Variants in SLC11A2 observed in about 807,000 individuals in gnomAD.
SLC11A2 encodes the protein natural resistance-associated macrophage protein 2.
SLC11A2 carries 38 observed loss-of-function variants against 68.0 expected under a neutral mutation model. That is an observed-to-expected ratio of 0.56 (90% CI 0.43 to 0.73). The LOEUF is 0.73. Ranked by LOEUF, SLC11A2 falls within the 30% of genes least tolerant of loss-of-function variation. The pLI, the probability that SLC11A2 is intolerant of heterozygous loss-of-function variation, is 0.00. For synonymous variants in SLC11A2, 242 were observed against 250.6 expected (o/e 0.97, Z 0.32); for missense variants, 517 against 690.5 (o/e 0.75, Z 2.82).
intron 11 of SLC11A2, among the ~76,000 whole-genome samples, chr12:50,994,118 G>C (rs1322091649): frequency 1.3e-5 from 2 of 150,176 alleles, no homozygotes; most frequent in African/African-American, 4.9e-5. Context: ...TCGGCTCACT[G>C]CAACCTCTGC....
chr12:50,998,412 A>C (rs1438567524), intron 8 of SLC11A2, among the ~76,000 whole-genome samples: 3 of 152,108 alleles, frequency 2.0e-5, no homozygotes, highest in Non-Finnish European at 4.4e-5. Flanking sequence ...ATATAGAATC[A>C]ATTTTTATTA....
Position 50,987,069 on chromosome 12 carries a change from T to G in SLC11A2, c.*1256A>C. The G allele has an allele frequency of 7.8e-7, 1 of 1,286,502 alleles. No individual in the cohort carries two copies. Among genetic ancestry groups the G allele is most frequent in the Non-Finnish European group, 1.0e-6 (1 of 988,440 alleles). 79.7% of individuals were successfully genotyped at this position (1,286,502 alleles called of 1,614,324 possible). Reference sequence around the variant, plus strand: ...TAATCACACAATCTCAGGCTCGGTATGTAAAAATGTCAGAAGTGGCTGAAG... The same window carrying G: ...TAATCACACAATCTCAGGCTCGGTAGGTAAAAATGTCAGAAGTGGCTGAAG... On this transcript the variant is annotated 3_prime_UTR_variant, in exon 16 of 16. Coordinates refer to ENST00000262052, the MANE Select transcript of SLC11A2 (RefSeq NM_000617.3).
At chr12:50,961,127 T>C in the SLC11A2 span, 6 of 1,611,430 alleles carry the variant, frequency 3.7e-6, no homozygotes, top group Admixed American at 1.7e-5. Context: ...TTGTATCTTA[T>C]GTTCAGCTGT....
chr12:50,978,561 C>A (rs12810659), downstream of SLC11A2, among the ~76,000 whole-genome samples: 21,438 of 148,794 alleles, frequency 0.14, 1,829 homozygotes, highest in South Asian at 0.26. Context: ...TTAATGGGTG[C>A]AGCACACCAA....
upstream of SLC11A2, among the ~76,000 whole-genome samples, chr12:51,027,872 C>G (rs923687156): frequency 7.9e-6 from 1 of 126,852 alleles, no homozygotes; most frequent in Admixed American, 8.8e-5. Flanking sequence ...GAGAAAAATC[C>G]AAATAAAGTG....
At chr12:51,000,092 C>T (rs913987470) in intron 6 of SLC11A2, among the ~76,000 whole-genome samples, 5 of 151,952 alleles carry the variant, frequency 3.3e-5, no homozygotes, top group African/African-American at 9.7e-5. Flanking sequence ...CGATACAAAA[C>T]GCCACACATT....
intron 2 of SLC11A2, 76 bp downstream of exon 2, chr12:51,010,619 A>G: frequency 1.2e-6 from 1 of 858,118 alleles, no homozygotes; most frequent in Non-Finnish European, 2.0e-6. Context: ...CAAGAGGAAA[A>G]ATATGATAAA....
rs772567851 is a variant in SLC11A2 at position 50,992,320 on chromosome 12, C to G, written c.1217G>C (p.Trp406Ser). 8.7e-6 allele frequency: 14 copies of G among 1,613,910 alleles called. No homozygotes were observed. ...FVMEGFLNLK[W>S]SRFARVVLTR... The stretch of plus-strand genomic sequence containing the variant: ...CAGAACCACTCGGGCAAAGCGTGAC[C>G]ACTTTAGGTTCAGGAATCCCTGGAA... The change falls in exon 13 of 16, where the codon TGG (tryptophan) becomes TCG (serine). Residue 406 changes from tryptophan (W) to serine (S), a missense_variant. Trp to Ser is a radical substitution (Grantham distance 177). Coordinates refer to ENST00000262052, the MANE Select transcript of SLC11A2 (RefSeq NM_000617.3).
chr12:50,967,299 T>C, the SLC11A2 span, among the ~76,000 whole-genome samples: 1 of 152,048 alleles, frequency 6.6e-6, no homozygotes, highest in African/African-American at 2.4e-5. Flanking sequence ...GTATGCATCA[T>C]CATGTCTGGC....
the SLC11A2 span, among the ~76,000 whole-genome samples, chr12:50,952,719 A>T: frequency 6.6e-6 from 1 of 152,182 alleles, no homozygotes; most frequent in Non-Finnish European, 1.5e-5. Context: ...CCGCCAGGTG[A>T]GCCCGGCGGG....
At chr12:50,982,835 C>A (rs1185536121), downstream of SLC11A2, among the ~76,000 whole-genome samples, 1 of 146,062 alleles carries the variant, frequency 6.8e-6, no homozygotes, top group South Asian at 2.2e-4. Context: ...CAGCTACTCA[C>A]GAGGCTGAGG....
Position 50,988,381 on chromosome 12 carries a change from C to T in SLC11A2, c.1630G>A (p.Val544Ile). The change falls in exon 16 of 16, where the codon GTA becomes ATA. Residue 544 changes from valine (V) to isoleucine (I), a missense_variant. Coordinates refer to ENST00000262052, the MANE Select transcript of SLC11A2 (RefSeq NM_000617.3). The stretch of plus-strand genomic sequence containing the variant: ...GTCAGCAGGCCTTTAGAGATGCTTA[C>T]CGTATGCCCACAGTCCAGGAAGGAC... The part of the protein sequence containing the change: ...GMSFLDCGHT[V>I]SISKGLLTEE... The T allele has an allele frequency of 6.2e-7, 1 of 1,614,048 alleles. No individual in the cohort carries two copies. The highest frequency in any genetic ancestry group is 8.5e-7 in the Non-Finnish European group (1 of 1,179,938).
At chr12:51,005,778 G>C (rs1330851568) in intron 3 of SLC11A2, 1 of 964,808 alleles carries the variant, frequency 1.0e-6, no homozygotes, top group African/African-American at 1.7e-5. Flanking sequence ...GTGTGGTGCT[G>C]TGTGGTGTGT....
chr12:51,026,455 C>T (rs1291203318), upstream of SLC11A2: 1 of 843,748 alleles, frequency 1.2e-6, no homozygotes, highest in South Asian at 1.4e-5. Flanking sequence ...GCTGGAGTCC[C>T]TGCAGCGGCC....
intron 5 of SLC11A2, among the ~76,000 whole-genome samples, chr12:51,003,161 G>T (rs1942418510): frequency 6.7e-6 from 1 of 149,434 alleles, no homozygotes; most frequent in African/African-American, 2.5e-5. Context: ...ACTTGAAACT[G>T]AAGGCGGAGG....
At chr12:50,954,047 T>A in the SLC11A2 span, 2 of 1,613,450 alleles carry the variant, frequency 1.2e-6, no homozygotes, top group Non-Finnish European at 1.7e-6. Context: ...AGGCCAATTA[T>A]CCCGACTAAT....
rs569810389 is a variant in SLC11A2 at position 50,991,088 on chromosome 12, A to C, written c.1422-140T>G. 3.7e-6 allele frequency: 3 copies of C among 814,076 alleles called. No homozygotes were observed. The East Asian group carries it at 7.9e-5, about 22-fold the overall frequency. 50.4% of individuals were successfully genotyped at this position (814,076 alleles called of 1,614,324 possible). On this transcript the variant is annotated intron_variant, in intron 14 of 15. Transcript: ENST00000262052. The stretch of plus-strand genomic sequence containing the variant: ...ATTTGAAAAAAAATGATTCTTCATA[A>C]GTCTAAGTTAAATCACCCAAAGTTA...
At chr12:50,983,253 TTTTCTC>T (rs1422216877), downstream of SLC11A2, among the ~76,000 whole-genome samples, 1 of 152,194 alleles carries the variant, frequency 6.6e-6, no homozygotes, top group Non-Finnish European at 1.5e-5. Context: ...TCTTTTTACT[TTTTCTC>T]TTCTCGAATA....
intron 1 of SLC11A2, 80 bp from the exon 2 acceptor site, chr12:51,010,846 T>C (rs1943161032): frequency 1.9e-5 from 12 of 628,862 alleles, no homozygotes; most frequent in Non-Finnish European, 3.4e-5. Flanking sequence ...TTACTCTGTA[T>C]GACTGAATCC....
Sources: allele counts gnomAD v4.1 joint callset (sites outside exome capture counted in the v4.1 genomes callset), GRCh38; gene constraint gnomAD v4.1.1; transcripts MANE v1.5; gene names NCBI Gene and HGNC (gene_info 2026-07-23, HGNC 2026-07-21).